FER: variants seen among roughly 807,000 people sequenced by gnomAD.
FER encodes tyrosine-protein kinase Fer.
FER carries 63 observed loss-of-function variants against 111.0 expected under a neutral mutation model. The observed-to-expected ratio is 0.57, with a 90% CI of 0.46 to 0.70. The LOEUF is 0.70. Ranked by LOEUF, FER falls within the 30% of genes least tolerant of loss-of-function variation. FER has a pLI of 0.00. For synonymous variants in FER, 327 were observed against 313.9 expected, an observed-to-expected ratio of 1.04 and a Z score of -0.44; for missense variants, 914 against 954.0, an observed-to-expected ratio of 0.96 and a Z score of 0.55.
chr5:108,878,319 CCTTT>C (rs1765302458), intron 8 of FER, among the ~76,000 whole-genome samples: 1 of 152,006 alleles, frequency 6.6e-6, no homozygotes. Context: ...TTAACATTTT[CCTTT>C]CTTCTTTTCG....
intron 17 of FER, among the ~76,000 whole-genome samples, chr5:109,114,289 T>C (rs1349141678): frequency 6.6e-6 from 1 of 152,178 alleles, no homozygotes; most frequent in Non-Finnish European, 1.5e-5. Flanking sequence ...CTATCAATTA[T>C]TAATTTTTCA....
chr5:109,062,190 G>A (rs780282988), intron 16 of FER, among the ~76,000 whole-genome samples: 3 of 152,078 alleles, frequency 2.0e-5, no homozygotes, highest in Non-Finnish European at 2.9e-5. Context: ...CAAATTAAGA[G>A]AGGACTTTTA....
chr5:109,187,344 C>CA (rs1758995799), intron 19 of FER, 89 bp from the exon 20 acceptor site: 1 of 1,386,534 alleles, frequency 7.2e-7, no homozygotes, highest in South Asian at 1.4e-5. Flanking sequence ...CATAAGGTAC[C>CA]AAAAGTTAAT....
intron 10 of FER, 26 bp from the exon 11 acceptor site, chr5:108,946,104 G>A: frequency 6.4e-7 from 1 of 1,550,972 alleles, no homozygotes; most frequent in South Asian, 1.1e-5. Flanking sequence ...TACTGTTGCT[G>A]AAGGCTTGTT....
chr5:108,883,636 T>A, intron 9 of FER, 118 bp downstream of exon 9: 1 of 916,466 alleles, frequency 1.1e-6, no homozygotes, highest in Non-Finnish European at 1.5e-6. Context: ...TTATTTTAAG[T>A]ATGAAGTTTT....
chr5:109,091,750 C>T (rs886283325), intron 16 of FER, among the ~76,000 whole-genome samples: 9 of 152,094 alleles, frequency 5.9e-5, no homozygotes, highest in African/African-American at 2.2e-4. Context: ...CTTTCAGGGG[C>T]CAGGAGACAA....
chr5:108,808,619 G>A (rs148091849), intron 3 of FER, among the ~76,000 whole-genome samples: 1 of 152,056 alleles, frequency 6.6e-6, no homozygotes, highest in Non-Finnish European at 1.5e-5. Flanking sequence ...ATATTAATAT[G>A]TAAGATTTTG....
intron 5 of FER, among the ~76,000 whole-genome samples, chr5:108,857,870 G>C (rs967481706): frequency 1.3e-5 from 2 of 152,140 alleles, no homozygotes; most frequent in Non-Finnish European, 2.9e-5. Context: ...TGGCTCCTCT[G>C]TCCTTTTGAC....
At chr5:109,016,700 A>G (rs185087057) in intron 13 of FER, among the ~76,000 whole-genome samples, 36 of 152,198 alleles carry the variant, frequency 2.4e-4, no homozygotes, top group Admixed American at 4.6e-4. Flanking sequence ...TACTTAGTCA[A>G]TGTTTAGAAT....
At chr5:108,993,514 C>G (rs577664231) in intron 13 of FER, among the ~76,000 whole-genome samples, 1 of 151,656 alleles carries the variant, frequency 6.6e-6, no homozygotes, top group South Asian at 2.1e-4. Context: ...GGCTCGGCAT[C>G]AGAGGGAGAC....
intron 13 of FER, among the ~76,000 whole-genome samples, chr5:109,017,893 C>A (rs1229744864): frequency 6.6e-6 from 1 of 151,880 alleles, no homozygotes; most frequent in Non-Finnish European, 1.5e-5. Flanking sequence ...CTTTCCCTGA[C>A]AACCTCCATC....
intron 13 of FER, among the ~76,000 whole-genome samples, chr5:108,990,608 A>G (rs1031392853): frequency 6.6e-6 from 1 of 151,774 alleles, no homozygotes; most frequent in African/African-American, 2.4e-5. Flanking sequence ...ATAATAATGT[A>G]TAAATATTTG....
intron 13 of FER, among the ~76,000 whole-genome samples, chr5:109,026,752 C>T (rs906575995): frequency 6.6e-6 from 1 of 152,124 alleles, no homozygotes; most frequent in African/African-American, 2.4e-5. Context: ...AATCTTGGCT[C>T]ACTGCAACTT....
chr5:109,009,245 A>G (rs1184195015), intron 13 of FER, among the ~76,000 whole-genome samples: 5 of 151,910 alleles, frequency 3.3e-5, no homozygotes, highest in African/African-American at 9.7e-5. Context: ...CATGTTGGCC[A>G]GGCTGGTCTT....
At chr5:109,006,411 T>G (rs1765507225) in intron 13 of FER, among the ~76,000 whole-genome samples, 1 of 152,298 alleles carries the variant, frequency 6.6e-6, no homozygotes, top group Middle Eastern at 3.4e-3. Flanking sequence ...AGTGTTCTCT[T>G]GCCTACCGCC....
intron 8 of FER, among the ~76,000 whole-genome samples, chr5:108,873,065 T>TAC (rs1764754800): frequency 6.6e-6 from 1 of 152,162 alleles, no homozygotes; most frequent in East Asian, 1.9e-4. Flanking sequence ...ATGGTGGTGG[T>TAC]ACGGGTAATT....
chr5:108,978,157 C>A (rs1331247859), intron 13 of FER, among the ~76,000 whole-genome samples: 2 of 152,128 alleles, frequency 1.3e-5, no homozygotes, highest in Non-Finnish European at 2.9e-5. Flanking sequence ...ACTCCTGTTT[C>A]TCTTGTTTGC....
At position 108,935,413 on chromosome 5, in the gene FER, G is replaced by A. The variant is rs77038509; in HGVS notation, c.1237-10717G>A. 8.9e-3 allele frequency among the ~76,000 whole-genome samples: 1,351 copies of A among 152,096 alleles called. 23 individuals are homozygous for A. Among genetic ancestry groups the A allele is most frequent in the African/African-American group, 0.031 (1,269 of 41,514 alleles). On this transcript the variant is annotated intron_variant, in intron 10 of 19. Transcript: ENST00000281092. ...GTCTCTTACGAGGAAACTTGTCATT[G>A]GATTTAGGGTCCCTGGATAATCCTG...
chr5:108,781,791 A>T (rs1250261327), intron 2 of FER, among the ~76,000 whole-genome samples: 1 of 152,016 alleles, frequency 6.6e-6, no homozygotes, highest in African/African-American at 2.4e-5. Context: ...AGTTAGTTAG[A>T]CTCTGATAGA....
Sources: allele counts gnomAD v4.1 joint callset (sites outside exome capture counted in the v4.1 genomes callset), GRCh38; gene constraint gnomAD v4.1.1; transcripts MANE v1.5; gene names NCBI Gene and HGNC (gene_info 2026-07-23, HGNC 2026-07-21).